The following UPP1 variants were observed in gnomAD, a reference collection of about 807,000 sequenced individuals.
UPP1 encodes the protein UPase 1.
UPP1 carries 25 observed loss-of-function variants against 29.6 expected under a neutral mutation model. That is an observed-to-expected ratio of 0.85 (90% CI 0.62 to 1.18). The LOEUF (loss-of-function observed/expected upper bound fraction) is 1.18. Among genes scored for constraint, UPP1 ranks in the 50% most tolerant of loss-of-function variants. The probability of loss-of-function intolerance (pLI) is 0.00; values close to 1 mark genes in which losing one functional copy is unlikely to be tolerated. For synonymous variants in UPP1, 165 were observed against 159.8 expected, an observed-to-expected ratio of 1.03 and a Z score of -0.25; for missense variants, 368 against 410.4, an observed-to-expected ratio of 0.90 and a Z score of 0.89.
At chr7:48,089,148 C>G (rs977911458), upstream of UPP1, 2 of 151,944 alleles carry the variant, frequency 1.3e-5, no homozygotes, top group Non-Finnish European at 2.9e-5. Flanking sequence ...GCCCAGGATG[C>G]GGTCAGCTGA....
chr7:48,108,518 T>G lies in UPP1; in HGVS notation c.*161T>G, dbSNP rs922732479. ...AATCTTGGATTAACCGCATGGGAGATGTTCTTCCTTTTGAAGTTTCATTGG... is the reference window on the plus strand; with the variant it reads ...AATCTTGGATTAACCGCATGGGAGAGGTTCTTCCTTTTGAAGTTTCATTGG... On this transcript the variant is annotated 3_prime_UTR_variant, in exon 9 of 9. Coordinates refer to ENST00000395564, the MANE Select transcript of UPP1 (RefSeq NM_003364.4). 11 of 796,162 alleles carry G rather than the reference T, an allele frequency of 1.4e-5. No homozygotes were observed. In the African/African-American group the frequency reaches 1.6e-4, roughly 11 times the overall value. The allele number at this position is 796,162 out of a possible 1,614,324, so 49.3% of individuals were successfully genotyped here.
At chr7:48,105,626 G>A (rs1027602210) in intron 6 of UPP1, 2 of 152,414 alleles carry the variant, frequency 1.3e-5, no homozygotes, top group African/African-American at 4.8e-5. Context: ...GTAGTCTGGA[G>A]GCTGCGAAGT....
At chr7:48,095,927 G>T (rs557770937) in intron 3 of UPP1, among the ~76,000 whole-genome samples, 4 of 152,306 alleles carry the variant, frequency 2.6e-5, no homozygotes, top group African/African-American at 9.6e-5. Context: ...GATTACGGGC[G>T]TGAGCCACTG....
chr7:48,107,347 C>A lies in UPP1; in HGVS notation c.647-14C>A. On this transcript the variant is annotated splice_polypyrimidine_tract_variant and intron_variant, in intron 7 of 8. Transcript: ENST00000395564. Reference sequence around the variant, plus strand: ...CACATGCATGTGGTTCTCATGTCTCCATGTGTGCCTCAGGGCAAGGCCGTC... The same window carrying A: ...CACATGCATGTGGTTCTCATGTCTCAATGTGTGCCTCAGGGCAAGGCCGTC... 2 of 1,604,364 alleles carry A rather than the reference C, an allele frequency of 1.2e-6. No individual in the cohort carries two copies. Among genetic ancestry groups the A allele is most frequent in the Non-Finnish European group, 8.5e-7 (1 of 1,174,174 alleles).
At chr7:48,106,463 A>T (rs1458786278) in intron 6 of UPP1, 2 of 198,876 alleles carry the variant, frequency 1.0e-5, no homozygotes, top group African/African-American at 4.6e-5. Flanking sequence ...GACACCCGGC[A>T]CAATGCCTGG....
At chr7:48,093,969 GCCCAACATGGTGAAA>G (rs1791986323) in intron 2 of UPP1, among the ~76,000 whole-genome samples, 1 of 152,142 alleles carries the variant, frequency 6.6e-6, no homozygotes, top group Non-Finnish European at 1.5e-5. Flanking sequence ...AGAACAGCCT[GCCCAACATGGTGAAA>G]CCCTGTCTCT....
intron 2 of UPP1, among the ~76,000 whole-genome samples, chr7:48,091,182 A>G (rs539835523): frequency 6.6e-6 from 1 of 152,320 alleles, no homozygotes; most frequent in East Asian, 1.9e-4. Context: ...TTCATTCAAA[A>G]AAGTATTTTA....
intron 6 of UPP1, chr7:48,105,518 A>G (rs1792683256): frequency 6.6e-6 from 1 of 152,240 alleles, no homozygotes; most frequent in Non-Finnish European, 1.5e-5. Flanking sequence ...TTGCATTAAA[A>G]TAAGTATCAG....
chr7:48,094,316 C>G (rs182760264), intron 2 of UPP1, among the ~76,000 whole-genome samples: 5 of 152,216 alleles, frequency 3.3e-5, no homozygotes, highest in African/African-American at 1.2e-4. Context: ...CAGGTTCAAG[C>G]GATTGTCCTC....
rs1180986880 is a variant in UPP1, at chr7:48,107,494, C to T, written c.780C>T (p.Ala260=). The part of the protein sequence containing the change: ...ESSVFAAMCS[A]CGLQAAVVCV... ...CGGTGTTTGCCGCCATGTGCAGCGC[C>T]TGCGGCCTCCAAGGTAAGCGGCACT... The change falls in exon 8 of 9, where the codon GCC becomes GCT. Residue 260 remains alanine, a synonymous_variant. Coordinates refer to ENST00000395564, the MANE Select transcript of UPP1 (RefSeq NM_003364.4). 2 of 1,609,360 alleles carry T rather than the reference C, an allele frequency of 1.2e-6. No individual in the cohort carries two copies. The highest frequency in any genetic ancestry group is 1.1e-5 in the South Asian group (1 of 90,844).
At chr7:48,101,667 C>A (rs897688579) in intron 4 of UPP1, among the ~76,000 whole-genome samples, 157 bp from the exon 5 acceptor site, 3 of 152,118 alleles carry the variant, frequency 2.0e-5, no homozygotes, top group African/African-American at 7.2e-5. Context: ...AAAGCAGATT[C>A]CTGGGCCCCT....
At chr7:48,092,779 T>C (rs1791909461) in intron 2 of UPP1, among the ~76,000 whole-genome samples, 1 of 151,410 alleles carries the variant, frequency 6.6e-6, no homozygotes, top group Non-Finnish European at 1.5e-5. Context: ...CTCGACTCAC[T>C]ACAACCTTCA....
rs753337779 is a variant in UPP1, at chr7:48,108,203, C to T, written c.794-15C>T. On this transcript the variant is annotated splice_polypyrimidine_tract_variant and intron_variant, in intron 8 of 8. Coordinates refer to ENST00000395564, the MANE Select transcript of UPP1 (RefSeq NM_003364.4). Reference sequence around the variant, plus strand: ...CCCCGGCACCTTGCCTTGATGTGGTCTTTGTCCTTTGCAGCGGCCGTGGTG... The same window carrying T: ...CCCCGGCACCTTGCCTTGATGTGGTTTTTGTCCTTTGCAGCGGCCGTGGTG... 22 of 1,610,632 alleles carry T rather than the reference C, an allele frequency of 1.4e-5. No individual in the cohort carries two copies. Among genetic ancestry groups the T allele is most frequent in the Non-Finnish European group, 1.8e-5 (21 of 1,178,576 alleles).
chr7:48,102,617 G>C (rs1298809152), intron 5 of UPP1, among the ~76,000 whole-genome samples: 1 of 152,132 alleles, frequency 6.6e-6, no homozygotes, highest in Non-Finnish European at 1.5e-5. Context: ...CTGATAATCT[G>C]CGCAAGCCTT....
rs556905120 is a variant in UPP1 at position 48,101,019 on chromosome 7, G to A, written c.163-805G>A. 3.3e-5 allele frequency among the ~76,000 whole-genome samples: 5 copies of A among 151,900 alleles called. No homozygotes were observed. In the East Asian group the frequency reaches 9.7e-4, roughly 29 times the overall value. On this transcript the variant is annotated intron_variant, in intron 4 of 8. Transcript: ENST00000395564. ...TGTCCTGGGTTCAAGCGATTCTCTT[G>A]CCTCAGCCTCCTGAGTAGCTGGGAT...
chr7:48,103,943 G>A, intron 6 of UPP1: 1 of 1,255,618 alleles, frequency 8.0e-7, no homozygotes, highest in Non-Finnish European at 1.0e-6. Flanking sequence ...TGGTTGGCCG[G>A]GCGCGGTGGC....
At chr7:48,102,249 A>T (rs1223403656) in intron 5 of UPP1, among the ~76,000 whole-genome samples, 1 of 148,672 alleles carries the variant, frequency 6.7e-6, no homozygotes, top group East Asian at 1.9e-4. Context: ...GCAGGGAGTT[A>T]GAGTGCTTGG....
intron 4 of UPP1, 90 bp from the exon 5 acceptor site, chr7:48,101,734 G>A (rs1792432712): frequency 1.4e-6 from 2 of 1,392,144 alleles, no homozygotes; most frequent in Admixed American, 4.3e-5. Context: ...AAGTTCATTG[G>A]TAATACTGAT....
chr7:48,106,980 C>T lies in UPP1; in HGVS notation c.544C>T (p.Leu182Phe), dbSNP rs768523619. Residue 182 changes from leucine to phenylalanine, a missense_variant, in exon 7 of 9, where the codon CTT becomes TTT. Transcript: ENST00000395564. ...LGKRVIRKTD[L>F]NKKLVQELLL... Reference sequence around the variant, plus strand: ...GAAGCGGGTCATCCGGAAAACGGACCTTAACAAGAAGCTGGTGCAGGAGCT... The same window carrying T: ...GAAGCGGGTCATCCGGAAAACGGACTTTAACAAGAAGCTGGTGCAGGAGCT... The T allele has an allele frequency of 6.3e-5, 101 of 1,613,108 alleles. No homozygotes were observed. Among genetic ancestry groups the T allele is most frequent in the Non-Finnish European group, 8.4e-5 (99 of 1,180,008 alleles).
Sources: allele counts gnomAD v4.1 joint callset (sites outside exome capture counted in the v4.1 genomes callset), GRCh38; gene constraint gnomAD v4.1.1; transcripts MANE v1.5; gene names NCBI Gene and HGNC (gene_info 2026-07-23, HGNC 2026-07-21).